TEP1: variants seen among roughly 807,000 people sequenced by gnomAD.
The protein encoded by TEP1 is telomerase associated protein 1, also known as telomerase protein component 1.
A neutral mutation model predicts 306.3 loss-of-function variants in TEP1; 241 were observed. The observed-to-expected ratio is 0.79, with a 90% CI of 0.71 to 0.88. TEP1 has a LOEUF of 0.88. Among genes scored for constraint, TEP1 ranks in the 40% least tolerant of loss-of-function variants. The pLI, the probability that TEP1 is intolerant of heterozygous loss-of-function variation, is 0.00. For missense variants in TEP1, 3,051 were observed against 3,276.1 expected, an observed-to-expected ratio of 0.93 and a Z score of 1.68; for synonymous variants, 1,289 against 1,305.5, an observed-to-expected ratio of 0.99 and a Z score of 0.27.
chr14:20,369,518 G>A lies in TEP1; in HGVS notation c.7482C>T (p.Ser2494=), dbSNP rs1183383043. Residue 2494 remains serine, a synonymous_variant, in exon 53 of 55, where the codon AGC becomes AGT. Transcript: ENST00000262715. ...TACCTGTGGTCCATTCTCCTTCTGG[G>A]CTGCATTTGGCCAGGTTCCATAGGA... ...DGILWNLAKC[S]PEGEWTTGNM... is the part of the protein sequence containing the mutation. 6.2e-7 allele frequency: 1 copy of A among 1,614,100 alleles called. No individual in the cohort carries two copies. The highest frequency in any genetic ancestry group is 1.7e-5 in the Admixed American group (1 of 60,012).
intron 5 of TEP1, among the ~76,000 whole-genome samples, chr14:20,404,210 C>T (rs1022179011): frequency 1.3e-5 from 2 of 152,046 alleles, no homozygotes; most frequent in African/African-American, 4.8e-5. Flanking sequence ...TAAAAATTAG[C>T]CAGGCGTGGT....
chr14:20,401,883 T>C (rs977358970), intron 7 of TEP1, among the ~76,000 whole-genome samples: 2 of 152,038 alleles, frequency 1.3e-5, no homozygotes, highest in Non-Finnish European at 2.9e-5. Flanking sequence ...GCTTTGTTTG[T>C]AGAGGAGGGG....
In TEP1 at chr14:20,378,758, AG is replaced by A. The variant is rs1167394428; in HGVS notation, c.5347del (p.Leu1783Ter). The A allele has an allele frequency of 1.2e-6, 2 of 1,614,088 alleles. No homozygotes were observed. The highest frequency in any genetic ancestry group is 1.7e-6 in the Non-Finnish European group (2 of 1,179,980). The stretch of plus-strand genomic sequence containing the variant: ...ACTGCAGACCCCAAGTCTTACCTTT[AG>A]GCATCCTCCCAAGCACACGGTGGCT... ...LLATVCLGGC[L>X]KLWDTVRGQL... is the part of the protein sequence containing the mutation. On this transcript the variant is annotated frameshift_variant, in exon 37 of 55. Coordinates refer to ENST00000262715, the MANE Select transcript of TEP1 (RefSeq NM_007110.5). LOFTEE classifies it high-confidence loss of function.
chr14:20,373,725 T>C lies in TEP1; in HGVS notation c.6557A>G (p.His2186Arg), dbSNP rs745570250. 6.2e-7 allele frequency: 1 copy of C among 1,614,134 alleles called. No individual in the cohort carries two copies. Among genetic ancestry groups the C allele is most frequent in the Admixed American group, 1.7e-5 (1 of 60,024 alleles). ...QGVELTSIPAHSGPISHCAAA... is the reference protein window; with the variant it reads ...QGVELTSIPARSGPISHCAAA... The stretch of plus-strand genomic sequence containing the variant: ...TGCACAGTGGCTAATGGGTCCTGAG[T>C]GAGCAGGGATGCTGGTCAGCTCCAC... The change falls in exon 45 of 55, where the codon CAC (histidine) becomes CGC (arginine). Residue 2186 changes from histidine (H) to arginine (R), a missense_variant. His to Arg is a conservative substitution (Grantham distance 29). This residue lies in a region of TEP1 where 1,540 missense variants were observed against 1,705.9 expected (regional missense o/e 0.90). Coordinates refer to ENST00000262715, the MANE Select transcript of TEP1 (RefSeq NM_007110.5).
intron 43 of TEP1, 82 bp from the exon 44 acceptor site, chr14:20,374,618 G>T (rs189255885): frequency 2.1e-5 from 19 of 917,074 alleles, no homozygotes; most frequent in Non-Finnish European, 2.9e-5. Context: ...GGTGGAAGGC[G>T]GTTAGCCACG....
chr14:20,377,265 A>T lies in TEP1; in HGVS notation c.6088+15T>A. On this transcript the variant is annotated intron_variant, in intron 41 of 54. Transcript: ENST00000262715. ...GAACAGTAATTTGTTAACCCTGCCC[A>T]CTGTCTAGTAGTACCTGAGGCAGAA... 1 of 1,571,036 alleles carries T rather than the reference A, an allele frequency of 6.4e-7. No individual in the cohort carries two copies.
In TEP1 at chr14:20,408,329, A is replaced by G; in HGVS notation, c.111T>C (p.His37=). 2 of 1,613,442 alleles carry G rather than the reference A, an allele frequency of 1.2e-6. No homozygotes were observed. The highest frequency in any genetic ancestry group is 1.7e-6 in the Non-Finnish European group (2 of 1,179,938). The change falls in exon 2 of 55, where the codon CAT becomes CAC. Residue 37 remains histidine (H), a synonymous_variant. Coordinates refer to ENST00000262715, the MANE Select transcript of TEP1 (RefSeq NM_007110.5). ...AGAGGATATCTGAGTGGGTAGATAC[A>G]TGCTGATGTAGTTTCTCCAAGGGCT... The part of the protein sequence containing the change: ...DLQPLEKLHQ[H]VSTHSDILSL...
At chr14:20,384,806 C>G (rs1339538671) in intron 21 of TEP1, 93 bp from the exon 22 acceptor site, 5 of 1,489,676 alleles carry the variant, frequency 3.4e-6, no homozygotes, top group Non-Finnish European at 4.6e-6. Flanking sequence ...TTTCCTGAAG[C>G]TCCTCAAGTA....
chr14:20,396,805 G>A, intron 9 of TEP1, 75 bp from the exon 10 acceptor site: 1 of 1,055,398 alleles, frequency 9.5e-7, no homozygotes, highest in Non-Finnish European at 1.4e-6. Flanking sequence ...TATAATCTCA[G>A]CTACCAAGGA....
Position 20,377,485 on chromosome 14 carries a change from C to T in TEP1, c.5883G>A (p.Gln1961=), listed in dbSNP as rs1885249891. The change falls in exon 41 of 55, where the codon CAG becomes CAA. Residue 1961 remains glutamine, a synonymous_variant. Transcript: ENST00000262715. ...CATCCAGTGCCTGACCCTGAGCCCC[C>T]TGGGAACCTAGAGAATGAGAGAGAA... ...IRIYKISSGS[Q]GAQGQALDVA... 1.2e-6 allele frequency: 2 copies of T among 1,613,774 alleles called. No individual in the cohort carries two copies. The highest frequency in any genetic ancestry group is 4.5e-5 in the East Asian group (2 of 44,856).
rs1400151183 is a variant in TEP1 at position 20,407,995 on chromosome 14, A to C, written c.445T>G (p.Cys149Gly). The C allele has an allele frequency of 6.2e-7, 1 of 1,614,112 alleles. No homozygotes were observed. Among genetic ancestry groups the C allele is most frequent in the African/African-American group, 1.3e-5 (1 of 74,942 alleles). Residue 149 changes from cysteine (C) to glycine (G), a missense_variant, in exon 2 of 55, where the codon TGC (cysteine) becomes GGC (glycine). This residue lies in a region of TEP1 where 1,507 missense variants were observed against 1,550.5 expected (regional missense o/e 0.97). Coordinates refer to ENST00000262715, the MANE Select transcript of TEP1 (RefSeq NM_007110.5). ...CAACTTGGAGGCTCAGAGAGCAGGC[A>C]ATTGCTGTTGTTCACACGGTACAAA... ...ADLYRVNNSNCLLSEPPSWRA... is the reference protein window; with the variant it reads ...ADLYRVNNSNGLLSEPPSWRA...
At chr14:20,392,610 G>A (rs944420232) in intron 12 of TEP1, among the ~76,000 whole-genome samples, 6 of 152,162 alleles carry the variant, frequency 3.9e-5, no homozygotes, top group Non-Finnish European at 7.4e-5. Flanking sequence ...CAATTAAAAG[G>A]TTAAAAGTGA....
In TEP1 at chr14:20,371,512, T is replaced by C; in HGVS notation, c.7197A>G (p.Pro2399=). 1 of 1,609,060 alleles carries C rather than the reference T, an allele frequency of 6.2e-7. No homozygotes were observed. Among genetic ancestry groups the C allele is most frequent in the Non-Finnish European group, 8.5e-7 (1 of 1,179,026 alleles). Reference sequence around the variant, plus strand: ...ACCAGATTTCAGATGGAGCATCCCCTGGCTTCATGCAAAGTAACTTCAAAT... The same window carrying C: ...ACCAGATTTCAGATGGAGCATCCCCCGGCTTCATGCAAAGTAACTTCAAAT... The part of the protein sequence containing the change: ...KADLKLLCMK[P]GDAPSEIWSS... Residue 2399 remains proline (P), a synonymous_variant, in exon 50 of 55, where the codon CCA becomes CCG. Transcript: ENST00000262715.
At chr14:20,400,777 G>A in intron 9 of TEP1, 2 of 590,098 alleles carry the variant, frequency 3.4e-6, no homozygotes, top group Non-Finnish European at 5.9e-6. Flanking sequence ...ACTACATCTG[G>A]TATAATGATC....
chr14:20,377,428 G>C lies in TEP1; in HGVS notation c.5940C>G (p.Pro1980=). The change falls in exon 41 of 55, where the codon CCC becomes CCG. Residue 1980 remains proline, a synonymous_variant. Coordinates refer to ENST00000262715, the MANE Select transcript of TEP1 (RefSeq NM_007110.5). ...CTTCTGCACCACTCACCAATACCTTGGGGCTTAGCCAGGCCAGGGCGGACA... is the reference window on the plus strand; with the variant it reads ...CTTCTGCACCACTCACCAATACCTTCGGGCTTAGCCAGGCCAGGGCGGACA... ...VAVSALAWLS[P]KVLVSGAEDG... The C allele has an allele frequency of 6.2e-7, 1 of 1,614,108 alleles. No individual in the cohort carries two copies. The highest frequency in any genetic ancestry group is 8.5e-7 in the Non-Finnish European group (1 of 1,180,018).
chr14:20,386,113 G>A lies in TEP1; in HGVS notation c.2944C>T (p.Pro982Ser), dbSNP rs752871371. 32 of 1,613,058 alleles carry A rather than the reference G, an allele frequency of 2.0e-5. 1 individual carries two copies. In the East Asian group the frequency reaches 6.9e-4, roughly 35 times the overall value. Reference sequence around the variant, plus strand: ...GGATGGTCAGGAAGGTTGTAGCTGGGGGGAATGTATCCATAACGGGAGCCC... The same window carrying A: ...GGATGGTCAGGAAGGTTGTAGCTGGAGGGAATGTATCCATAACGGGAGCCC... ...ILGSRYGYIP[P>S]SYNLPDHPHF... The change falls in exon 20 of 55, where the codon CCC (proline) becomes TCC (serine). Residue 982 changes from proline (P) to serine (S), a missense_variant. Transcript: ENST00000262715.
In TEP1 at chr14:20,408,462, G is replaced by A. The variant is rs41301453; in HGVS notation, c.-23C>T. ...CATGGCTGAAACTCAGCTTGTATAT[G>A]CCTAGAAGGAGAGAAAGACAGGAGA... On this transcript the variant is annotated splice_region_variant and 5_prime_UTR_variant, in exon 2 of 55. Coordinates refer to ENST00000262715, the MANE Select transcript of TEP1 (RefSeq NM_007110.5). 46,086 of 1,598,286 alleles carry A rather than the reference G, an allele frequency of 0.029. 748 individuals are homozygous for A. The highest frequency in any genetic ancestry group is 0.067 in the African/African-American group (4,969 of 74,700).
Position 20,395,930 on chromosome 14 carries a change from C to A in TEP1, c.1679G>T (p.Arg560Leu). ...GTTAAGAAATCTGAATGGAAACTGC[C>A]GACTGTGGATCACCGACTTCTAGAA... Reference protein sequence around the residue: ...LQHAKSVIHSRQFPFRFLNAH... With the variant: ...LQHAKSVIHSLQFPFRFLNAH... Residue 560 changes from arginine to leucine, a missense_variant, in exon 11 of 55, where the codon CGG (arginine) becomes CTG (leucine). This residue lies in a region of TEP1 where 1,507 missense variants were observed against 1,550.5 expected (regional missense o/e 0.97). Coordinates refer to ENST00000262715, the MANE Select transcript of TEP1 (RefSeq NM_007110.5). 1 of 1,613,858 alleles carries A rather than the reference C, an allele frequency of 6.2e-7. No homozygotes were observed.
intron 1 of TEP1, among the ~76,000 whole-genome samples, 196 bp downstream of exon 1, chr14:20,413,209 C>A (rs1334282058): frequency 6.6e-6 from 1 of 152,158 alleles, no homozygotes. Context: ...ACTCCCTCCC[C>A]TTCCCGGAGC....
Sources: allele counts gnomAD v4.1 joint callset (sites outside exome capture counted in the v4.1 genomes callset), GRCh38; gene constraint gnomAD v4.1.1; regional missense constraint gnomAD v4.1.1; transcripts MANE v1.5; gene names NCBI Gene and HGNC (gene_info 2026-07-23, HGNC 2026-07-21).